The following ARL15 variants were observed in gnomAD, a reference collection of about 807,000 sequenced individuals.
ARL15 encodes the protein ADP-ribosylation factor-like protein 15.
Under a neutral mutation model 25.2 loss-of-function variants are expected in ARL15, and 19 were observed. The ratio of observed to expected loss-of-function variants is 0.75; its 90% CI spans 0.53 to 1.10. ARL15 has a LOEUF of 1.10. Among genes scored for constraint, ARL15 ranks in the 50% least tolerant of loss-of-function variants. ARL15 has a pLI of 0.00. For missense variants in ARL15, 220 were observed against 246.0 expected (o/e 0.89, Z 0.71); for synonymous variants, 94 against 86.8 (o/e 1.08, Z -0.46).
At chr5:54,119,277 G>T (rs899695140) in intron 3 of ARL15, among the ~76,000 whole-genome samples, 1 of 152,010 alleles carries the variant, frequency 6.6e-6, no homozygotes, top group African/African-American at 2.4e-5. Context: ...TTTGGAAATG[G>T]GTTCATTTGA....
intron 4 of ARL15, among the ~76,000 whole-genome samples, chr5:54,111,979 T>C (rs1752754852): frequency 6.6e-6 from 1 of 152,178 alleles, no homozygotes; most frequent in Non-Finnish European, 1.5e-5. Flanking sequence ...TTTTTATTGC[T>C]GTTTTTTACT....
At chr5:54,048,689 C>G (rs1259148457) in intron 4 of ARL15, among the ~76,000 whole-genome samples, 2 of 151,856 alleles carry the variant, frequency 1.3e-5, no homozygotes, top group African/African-American at 4.8e-5. Flanking sequence ...CAGGTGTGAG[C>G]CACTGGGCCC....
intron 4 of ARL15, chr5:54,048,268 C>T (rs1265475951): frequency 1.3e-5 from 2 of 151,904 alleles, no homozygotes; most frequent in African/African-American, 2.4e-5. Context: ...GCTTCAGCCT[C>T]CAGAGTAGCT....
chr5:54,073,519 G>A (rs907346504), intron 4 of ARL15, among the ~76,000 whole-genome samples: 3 of 152,160 alleles, frequency 2.0e-5, no homozygotes, highest in Non-Finnish European at 2.9e-5. Context: ...TTCAGAAGTT[G>A]GTTAGAAAAT....
Position 53,973,949 on chromosome 5 carries a change from C to T in ARL15, c.463-87236G>A, listed in dbSNP as rs563334533. Among the ~76,000 whole-genome samples, 606 of 151,546 alleles carry T rather than the reference C, an allele frequency of 4.0e-3. 7 individuals are homozygous for T. Among genetic ancestry groups the T allele is most frequent in the South Asian group, 0.017 (81 of 4,770 alleles). On this transcript the variant is annotated intron_variant, in intron 4 of 4. Transcript: ENST00000504924. Reference sequence around the variant, plus strand: ...TAAAGTCTTTAAAATTTTATGTTGACTTTGAGTAAGGCCCTGTCATTAAAA... The same window carrying T: ...TAAAGTCTTTAAAATTTTATGTTGATTTTGAGTAAGGCCCTGTCATTAAAA...
intron 4 of ARL15, among the ~76,000 whole-genome samples, chr5:54,070,422 T>C (rs1751383310): frequency 1.3e-5 from 2 of 151,680 alleles, no homozygotes; most frequent in South Asian, 2.1e-4. Context: ...GGCTCTCAGT[T>C]CAGCCCCCTT....
intron 4 of ARL15, among the ~76,000 whole-genome samples, chr5:53,912,368 C>CA (rs1288704943): frequency 1.3e-5 from 2 of 151,550 alleles, no homozygotes; most frequent in Non-Finnish European, 2.9e-5. Context: ...GTACTAACAA[C>CA]AAAAAAACGG....
intron 4 of ARL15, among the ~76,000 whole-genome samples, chr5:54,111,101 T>C (rs1391623365): frequency 6.6e-6 from 1 of 152,054 alleles, no homozygotes; most frequent in Non-Finnish European, 1.5e-5. Context: ...GTCTAAAGTG[T>C]AGACATGCAC....
At chr5:54,114,365 C>A (rs984720493) in intron 3 of ARL15, among the ~76,000 whole-genome samples, 2 of 135,276 alleles carry the variant, frequency 1.5e-5, no homozygotes, top group Non-Finnish European at 3.1e-5. Context: ...GATCGCGCCA[C>A]TGCACTCCAG....
At position 54,171,784 on chromosome 5, in the gene ARL15, C is replaced by T. The variant is rs1410694956; in HGVS notation, c.193G>A (p.Gly65Ser). 6.2e-7 allele frequency: 1 copy of T among 1,611,510 alleles called. No homozygotes were observed. The highest frequency in any genetic ancestry group is 8.5e-7 in the Non-Finnish European group (1 of 1,178,886). Residue 65 changes from glycine (G) to serine (S), a missense_variant and splice_region_variant, in exon 2 of 5, where the codon GGT becomes AGT. By Grantham distance (56) the Gly-to-Ser change is moderately conservative. Coordinates refer to ENST00000504924, the MANE Select transcript of ARL15 (RefSeq NM_019087.3). Reference protein sequence around the residue: ...ESPDNVVSTTGFSIKAVPFQN... With the variant: ...ESPDNVVSTTSFSIKAVPFQN... ...GACAGAACCCCAGCACAGTACCCAC[C>T]TGTGGTCGACACGACGTTATCGGGG...
intron 1 of ARL15, among the ~76,000 whole-genome samples, chr5:54,240,233 A>C (rs11948265): frequency 2.9e-5 from 1 of 34,300 alleles, no homozygotes; most frequent in South Asian, 9.5e-4. Context: ...TCTCAAAAAT[A>C]AAAAAAAAAA....
intron 1 of ARL15, among the ~76,000 whole-genome samples, chr5:54,214,562 G>A (rs1579917897): frequency 6.6e-6 from 1 of 152,092 alleles, no homozygotes; most frequent in Non-Finnish European, 1.5e-5. Flanking sequence ...ACATGCCTCA[G>A]CGTGTCCAGG....
At chr5:53,932,651 A>T (rs1428062060) in intron 4 of ARL15, among the ~76,000 whole-genome samples, 1 of 152,230 alleles carries the variant, frequency 6.6e-6, no homozygotes, top group African/African-American at 2.4e-5. Context: ...GGAAACAGAA[A>T]GCAGGATAAA....
intron 4 of ARL15, among the ~76,000 whole-genome samples, chr5:54,080,010 CACACACAG>C (rs1404768658): frequency 7.6e-5 from 11 of 144,680 alleles, no homozygotes; most frequent in African/African-American, 2.3e-4. Context: ...CACACACACA[CACACACAG>C]ACACAGATGT....
intron 1 of ARL15, among the ~76,000 whole-genome samples, chr5:54,255,841 T>C (rs1248763760): frequency 6.6e-6 from 1 of 152,256 alleles, no homozygotes; most frequent in South Asian, 2.1e-4. Flanking sequence ...CAAATCAAGA[T>C]GGAAATTTTA....
chr5:54,166,818 A>G (rs1754587134), intron 2 of ARL15, among the ~76,000 whole-genome samples: 1 of 152,122 alleles, frequency 6.6e-6, no homozygotes, highest in African/African-American at 2.4e-5. Flanking sequence ...TTCGATGATT[A>G]TTCTCATTAT....
intron 4 of ARL15, among the ~76,000 whole-genome samples, chr5:54,029,318 C>CAACACCACCACT (rs1561194960): frequency 8.6e-6 from 1 of 116,092 alleles, no homozygotes; most frequent in Non-Finnish European, 1.8e-5. Context: ...CCACCACCAC[C>CAACACCACCACT]ACCACCACCA....
chr5:54,070,233 A>G (rs531030469), intron 4 of ARL15, among the ~76,000 whole-genome samples: 41 of 151,712 alleles, frequency 2.7e-4, no homozygotes, highest in African/African-American at 9.6e-4. Context: ...TCTACTAAAA[A>G]TACAAAAAAT....
At chr5:54,027,591 C>G (rs1749818760) in intron 4 of ARL15, among the ~76,000 whole-genome samples, 1 of 152,186 alleles carries the variant, frequency 6.6e-6, no homozygotes, top group Admixed American at 6.5e-5. Flanking sequence ...ACCAACCTCA[C>G]AATCATGGCC....
Sources: allele counts gnomAD v4.1 joint callset (sites outside exome capture counted in the v4.1 genomes callset), GRCh38; gene constraint gnomAD v4.1.1; transcripts MANE v1.5; gene names NCBI Gene and HGNC (gene_info 2026-07-23, HGNC 2026-07-21).